Variants in ANKRD31 observed in about 807,000 individuals in gnomAD.
ANKRD31 encodes the protein ankyrin repeat domain 31.
In ANKRD31, 147 loss-of-function variants were observed where a neutral mutation model predicts 186.0. That is an observed-to-expected ratio of 0.79 (90% confidence interval 0.69 to 0.91). ANKRD31 has a LOEUF of 0.91. Ranked by LOEUF, ANKRD31 falls within the 40% of genes least tolerant of loss-of-function variation. The probability of loss-of-function intolerance (pLI) is 0.00; values close to 1 mark genes in which losing one functional copy is unlikely to be tolerated. For synonymous variants in ANKRD31, 673 were observed against 736.4 expected (o/e 0.91, Z 1.39); for missense variants, 1,986 against 2,148.8 (o/e 0.92, Z 1.50).
chr5:75,109,638 C>T (rs1747605656), intron 20 of ANKRD31, among the ~76,000 whole-genome samples: 1 of 152,070 alleles, frequency 6.6e-6, no homozygotes, highest in Non-Finnish European at 1.5e-5. Flanking sequence ...CACCTAGAGA[C>T]CTTGAAAAAT....
intron 25 of ANKRD31, among the ~76,000 whole-genome samples, chr5:75,069,516 C>G (rs1216311328): frequency 1.3e-5 from 2 of 151,924 alleles, no homozygotes; most frequent in Non-Finnish European, 2.9e-5. Flanking sequence ...AGAGAAGTGA[C>G]ATGTAATGAG....
chr5:75,080,266 CTT>C (rs1191391282), intron 25 of ANKRD31, among the ~76,000 whole-genome samples: 3 of 152,160 alleles, frequency 2.0e-5, no homozygotes, highest in African/African-American at 7.2e-5. Context: ...AAACAGCAAT[CTT>C]TTAAATCACG....
intron 19 of ANKRD31, among the ~76,000 whole-genome samples, chr5:75,115,411 A>T (rs1748137389): frequency 6.6e-6 from 1 of 152,224 alleles, no homozygotes; most frequent in Non-Finnish European, 1.5e-5. Flanking sequence ...GACAAATGGG[A>T]TCTAATTAAA....
At position 75,080,565 on chromosome 5, in the gene ANKRD31, T is replaced by C; in HGVS notation, c.5647+3A>G. ...GGAATTGAATATTTTCTTTTTTTTT[T>C]ACCTTGTCCAAATTTTGTTTTCTCA... On this transcript the variant is annotated splice_donor_region_variant and intron_variant, in intron 25 of 25. Coordinates refer to ENST00000506364, the MANE Select transcript of ANKRD31 (RefSeq NM_001372053.1). The C allele has an allele frequency of 6.6e-7, 1 of 1,521,404 alleles. No individual in the cohort carries two copies. The highest frequency in any genetic ancestry group is 8.8e-7 in the Non-Finnish European group (1 of 1,136,402). The allele number at this position is 1,521,404 out of a possible 1,614,324, so 94.2% of individuals were successfully genotyped here. A position where few individuals can be genotyped will look rare whatever the true frequency, so the allele number is the denominator to read the frequency against.
intron 23 of ANKRD31, among the ~76,000 whole-genome samples, chr5:75,085,559 G>A (rs1015570352): frequency 2.0e-5 from 3 of 151,938 alleles, no homozygotes; most frequent in Non-Finnish European, 4.4e-5. Flanking sequence ...GCGCCACCAC[G>A]CCTGGCTAAT....
At chr5:75,159,669 T>TAA (rs56742059) in intron 11 of ANKRD31, among the ~76,000 whole-genome samples, 302 of 146,286 alleles carry the variant, frequency 2.1e-3, no homozygotes, top group Middle Eastern at 3.6e-3. Context: ...CATTCACAGA[T>TAA]AAAAAAAAAA....
chr5:75,193,545 T>C lies in ANKRD31; in HGVS notation c.1064A>G (p.Gln355Arg), dbSNP rs780117274. 1.7e-4 allele frequency: 261 copies of C among 1,536,686 alleles called. 1 individual carries two copies. The highest frequency in any genetic ancestry group is 2.2e-4 in the Non-Finnish European group (256 of 1,146,660). ...TAGTGGCTCACAAGAAGTGATATTTTGATGAGCCAAAGTTTGCAATCCAGA... is the reference window on the plus strand; with the variant it reads ...TAGTGGCTCACAAGAAGTGATATTTCGATGAGCCAAAGTTTGCAATCCAGA... ...NPSGLQTLAHQNITSCEPLSN... is the reference protein window; with the variant it reads ...NPSGLQTLAHRNITSCEPLSN... Residue 355 changes from glutamine to arginine, a missense_variant, in exon 8 of 26, where the codon CAA becomes CGA. Coordinates refer to ENST00000506364, the MANE Select transcript of ANKRD31 (RefSeq NM_001372053.1).
At chr5:75,080,700 A>T (rs1027080682) in intron 24 of ANKRD31, 61 bp from the exon 25 acceptor site, 1 of 1,024,188 alleles carries the variant, frequency 9.8e-7, no homozygotes, top group African/African-American at 1.6e-5. Flanking sequence ...CTCTGGTCAA[A>T]TCAGGATGAT....
intron 10 of ANKRD31, among the ~76,000 whole-genome samples, chr5:75,187,194 G>T (rs1196844466): frequency 6.6e-6 from 1 of 150,974 alleles, no homozygotes; most frequent in Non-Finnish European, 1.5e-5. Context: ...AACATTGCAG[G>T]TGATTCTATT....
At chr5:75,173,053 T>C (rs766491330) in intron 10 of ANKRD31, among the ~76,000 whole-genome samples, 1 of 152,206 alleles carries the variant, frequency 6.6e-6, no homozygotes, top group South Asian at 2.1e-4. Flanking sequence ...TCAAGTGTGC[T>C]TCATCACTGG....
chr5:75,094,494 T>C (rs985501354), intron 22 of ANKRD31, among the ~76,000 whole-genome samples: 5 of 152,122 alleles, frequency 3.3e-5, no homozygotes, highest in African/African-American at 2.4e-5. Flanking sequence ...AAAATGTATG[T>C]TGAGTCCTAG....
chr5:75,194,283 TA>T (rs1755309897), intron 7 of ANKRD31, among the ~76,000 whole-genome samples: 1 of 152,160 alleles, frequency 6.6e-6, no homozygotes, highest in Non-Finnish European at 1.5e-5. Flanking sequence ...TAAGAGGGTT[TA>T]TTTTTTTTCC....
In ANKRD31 at chr5:75,071,578, C is replaced by T. The variant is rs566583907; in HGVS notation, c.5648-2914G>A. On this transcript the variant is annotated intron_variant, in intron 25 of 25. Coordinates refer to ENST00000506364, the MANE Select transcript of ANKRD31 (RefSeq NM_001372053.1). ...TAGTGCAATCTCAACTCACTGCGAC[C>T]TCTGCCTCCCAGGTTCAAGCAATGC... is the stretch of plus-strand genomic sequence containing the variant. Among the ~76,000 whole-genome samples the T allele has an allele frequency of 2.2e-4, 33 of 151,566 alleles. No individual in the cohort carries two copies. The South Asian group carries it at 6.9e-3, about 32-fold the overall frequency.
At chr5:75,220,900 G>T (rs1317214286) in intron 3 of ANKRD31, among the ~76,000 whole-genome samples, 1 of 152,092 alleles carries the variant, frequency 6.6e-6, no homozygotes, top group Non-Finnish European at 1.5e-5. Context: ...AGGAGTTTGA[G>T]ACCAGCCTGG....
At chr5:75,213,591 C>T (rs1348455627) in intron 3 of ANKRD31, among the ~76,000 whole-genome samples, 1 of 152,160 alleles carries the variant, frequency 6.6e-6, no homozygotes, top group Non-Finnish European at 1.5e-5. Context: ...TCAATTTTTT[C>T]ATAAGAAACA....
intron 11 of ANKRD31, among the ~76,000 whole-genome samples, chr5:75,156,156 C>T (rs1166749797): frequency 1.3e-5 from 2 of 152,112 alleles, no homozygotes; most frequent in Non-Finnish European, 2.9e-5. Flanking sequence ...CCACTCACCT[C>T]GGCCTCCCAA....
At chr5:75,168,128 A>G (rs1184912187) in intron 11 of ANKRD31, among the ~76,000 whole-genome samples, 1 of 152,188 alleles carries the variant, frequency 6.6e-6, no homozygotes, top group East Asian at 1.9e-4. Flanking sequence ...AAAACTGCCT[A>G]AACCCTTCTG....
At chr5:75,210,335 G>A (rs917941717) in intron 4 of ANKRD31, among the ~76,000 whole-genome samples, 7 of 152,032 alleles carry the variant, frequency 4.6e-5, no homozygotes, top group Non-Finnish European at 1.0e-4. Context: ...CAACACGCCC[G>A]GCTAATTTTG....
chr5:75,182,466 C>T (rs1754387497), intron 10 of ANKRD31, among the ~76,000 whole-genome samples: 1 of 152,068 alleles, frequency 6.6e-6, no homozygotes, highest in Non-Finnish European at 1.5e-5. Flanking sequence ...TGCCTATAAT[C>T]CCAGCACTTT....
Sources: gnomAD v4.1 joint callset for allele counts (sites outside exome capture counted in the v4.1 genomes callset) on GRCh38, gnomAD v4.1.1 for gene constraint, MANE v1.5 for transcripts, NCBI Gene and HGNC (gene_info 2026-07-23, HGNC 2026-07-21) for gene names.